The following GNAQ variants were observed in gnomAD, a reference collection of about 807,000 sequenced individuals.
The protein encoded by GNAQ is G protein subunit alpha q, also known as guanine nucleotide-binding protein G(q) subunit alpha.
A neutral mutation model predicts 43.9 loss-of-function variants in GNAQ; 8 were observed. That is an observed-to-expected ratio of 0.18 (90% CI 0.11 to 0.33). The LOEUF is 0.33. GNAQ is among the 10% of genes least tolerant of loss of function. The pLI is 1.00. For missense variants in GNAQ, 158 were observed against 450.8 expected (o/e 0.35, Z 5.88); for synonymous variants, 155 against 170.7 (o/e 0.91, Z 0.71).
At chr9:77,940,228 T>C (rs560186814) in intron 1 of GNAQ, among the ~76,000 whole-genome samples, 7 of 152,292 alleles carry the variant, frequency 4.6e-5, no homozygotes, top group African/African-American at 1.4e-4. Flanking sequence ...ATATCCCTTA[T>C]AGTGCATATT....
intron 2 of GNAQ, among the ~76,000 whole-genome samples, chr9:77,854,095 T>C (rs1317667433): frequency 6.6e-6 from 1 of 152,190 alleles, no homozygotes; most frequent in East Asian, 1.9e-4. Context: ...CTCTCTTACA[T>C]CCTGTATATT....
At chr9:77,816,850 A>G (rs1424686704) in intron 2 of GNAQ, among the ~76,000 whole-genome samples, 1 of 152,220 alleles carries the variant, frequency 6.6e-6, no homozygotes, top group Non-Finnish European at 1.5e-5. Flanking sequence ...GATCCATGTT[A>G]GGCCTTTACC....
At chr9:78,002,935 A>G (rs1043751342) in intron 1 of GNAQ, among the ~76,000 whole-genome samples, 1 of 152,196 alleles carries the variant, frequency 6.6e-6, no homozygotes, top group South Asian at 2.1e-4. Context: ...CGAGATACAC[A>G]GGAGGTCTCA....
intron 5 of GNAQ, among the ~76,000 whole-genome samples, chr9:77,750,471 A>T (rs964450889): frequency 1.3e-5 from 2 of 152,212 alleles, no homozygotes; most frequent in Non-Finnish European, 2.9e-5. Context: ...TGATCATGTT[A>T]TCATCATTAT....
chr9:77,916,020 C>T (rs1822278614), intron 2 of GNAQ, among the ~76,000 whole-genome samples: 1 of 152,132 alleles, frequency 6.6e-6, no homozygotes, highest in African/African-American at 2.4e-5. Flanking sequence ...CAAATCGGCA[C>T]TTTTTCCCAG....
intron 1 of GNAQ, among the ~76,000 whole-genome samples, chr9:78,003,076 C>CT (rs1441025236): frequency 6.6e-6 from 1 of 152,058 alleles, no homozygotes; most frequent in Admixed American, 6.6e-5. Context: ...ATAAAAAGAG[C>CT]TTTGATAATG....
intron 2 of GNAQ, among the ~76,000 whole-genome samples, chr9:77,909,126 T>C (rs771472989): frequency 6.6e-6 from 1 of 152,184 alleles, no homozygotes. Context: ...TTCTCCTCCA[T>C]GGCTGGCAAA....
At chr9:77,918,938 G>T (rs1828956489) in intron 2 of GNAQ, among the ~76,000 whole-genome samples, 1 of 152,118 alleles carries the variant, frequency 6.6e-6, no homozygotes, top group African/African-American at 2.4e-5. Flanking sequence ...TTTTTTGTTT[G>T]AGATGGAGTC....
chr9:77,825,485 G>C (rs1416514218), intron 2 of GNAQ, among the ~76,000 whole-genome samples: 2 of 152,172 alleles, frequency 1.3e-5, no homozygotes, highest in Non-Finnish European at 1.5e-5. Context: ...AAAGGCAGCA[G>C]CACCACATGC....
chr9:78,021,613 T>C (rs1334669128), intron 1 of GNAQ, among the ~76,000 whole-genome samples: 1 of 152,100 alleles, frequency 6.6e-6, no homozygotes, highest in Non-Finnish European at 1.5e-5. Context: ...GCTCCAAATA[T>C]AAAGCAGCCC....
chr9:77,928,259 A>G (rs1299740185), intron 1 of GNAQ, among the ~76,000 whole-genome samples: 2 of 152,232 alleles, frequency 1.3e-5, no homozygotes, highest in African/African-American at 4.8e-5. Flanking sequence ...CAAAGTTGCC[A>G]TAACTTCCCG....
Position 77,840,390 on chromosome 9 carries a change from A to C in GNAQ, c.322-24620T>G, listed in dbSNP as rs534375235. 4.1e-4 allele frequency among the ~76,000 whole-genome samples: 61 copies of C among 148,554 alleles called. No individual in the cohort carries two copies. The South Asian group carries it at 8.9e-3, about 22-fold the overall frequency. On this transcript the variant is annotated intron_variant, in intron 2 of 6. Transcript: ENST00000286548. ...TTTTAGACGGAGTCGGAGTCGGAGT[A>C]CAGTGGCATAATCTTGGCTCACTGT...
intron 1 of GNAQ, among the ~76,000 whole-genome samples, chr9:77,948,502 G>T (rs562880096): frequency 6.6e-6 from 1 of 152,288 alleles, no homozygotes; most frequent in Admixed American, 6.5e-5. Flanking sequence ...GGACACGGAT[G>T]AAGGAGGACA....
chr9:78,030,806 A>G (rs1463967366), intron 1 of GNAQ, among the ~76,000 whole-genome samples: 1 of 152,136 alleles, frequency 6.6e-6, no homozygotes, highest in Non-Finnish European at 1.5e-5. Context: ...CAGATAAGGT[A>G]CAGCCCTCAG....
chr9:77,724,563 A>G (rs773859757), intron 6 of GNAQ, among the ~76,000 whole-genome samples: 7 of 152,292 alleles, frequency 4.6e-5, no homozygotes, highest in Non-Finnish European at 1.0e-4. Flanking sequence ...GCAGAACTCT[A>G]TTGAGGGCTT....
chr9:78,025,400 C>T (rs1451127356), intron 1 of GNAQ, among the ~76,000 whole-genome samples: 1 of 152,190 alleles, frequency 6.6e-6, no homozygotes, highest in East Asian at 1.9e-4. Flanking sequence ...TAAACGTTCA[C>T]GGTTTACTGT....
chr9:77,805,387 T>C (rs1445912783), intron 3 of GNAQ, among the ~76,000 whole-genome samples: 1 of 152,166 alleles, frequency 6.6e-6, no homozygotes. Flanking sequence ...ACAGGCATTT[T>C]GTTCATAAGA....
chr9:77,886,237 T>G (rs543780833), intron 2 of GNAQ, among the ~76,000 whole-genome samples: 12 of 152,312 alleles, frequency 7.9e-5, no homozygotes, highest in Admixed American at 2.6e-4. Flanking sequence ...AAAGTTCTGG[T>G]GCTGGGGTTA....
chr9:77,814,010 G>C lies in GNAQ; in HGVS notation c.476+1606C>G, dbSNP rs143046870. Among the ~76,000 whole-genome samples, 4 of 152,060 alleles carry C rather than the reference G, an allele frequency of 2.6e-5. No individual in the cohort carries two copies. The East Asian group carries it at 7.7e-4, about 29-fold the overall frequency. ...GAGAGATTCAAAACTGAGGGTGGAGGGTAAATAAGCAGACAGGAGAGACAT... is the reference window on the plus strand; with the variant it reads ...GAGAGATTCAAAACTGAGGGTGGAGCGTAAATAAGCAGACAGGAGAGACAT... On this transcript the variant is annotated intron_variant, in intron 3 of 6. Coordinates refer to ENST00000286548, the MANE Select transcript of GNAQ (RefSeq NM_002072.5).
Sources: allele counts gnomAD v4.1 joint callset (sites outside exome capture counted in the v4.1 genomes callset), GRCh38; gene constraint gnomAD v4.1.1; transcripts MANE v1.5; gene names NCBI Gene and HGNC (gene_info 2026-07-23, HGNC 2026-07-21).